Variants in CORIN observed in about 807,000 individuals in gnomAD.
CORIN encodes atrial natriuretic peptide-converting enzyme.
Under a neutral mutation model 125.3 loss-of-function variants are expected in CORIN, and 117 were observed. The ratio of observed to expected loss-of-function variants is 0.93; its 90% confidence interval spans 0.80 to 1.09. CORIN has a LOEUF of 1.09. Ranked by LOEUF, CORIN falls within the 50% of genes least tolerant of loss-of-function variation. The pLI, the probability that CORIN is intolerant of heterozygous loss-of-function variation, is 0.00. For missense variants in CORIN, 1,253 were observed against 1,306.7 expected (o/e 0.96, Z 0.63); for synonymous variants, 450 against 466.4 (o/e 0.96, Z 0.45).
chr4:47,685,005 G>T (rs568457541), intron 6 of CORIN, among the ~76,000 whole-genome samples: 1 of 152,242 alleles, frequency 6.6e-6, no homozygotes, highest in Admixed American at 6.5e-5. Context: ...GGCTACAATG[G>T]AAAAGATGGA....
chr4:47,771,725 T>C (rs2109887349), intron 3 of CORIN, among the ~76,000 whole-genome samples: 1 of 152,270 alleles, frequency 6.6e-6, no homozygotes, highest in South Asian at 2.1e-4. Context: ...TAACTAACTG[T>C]AAACCAAACC....
intron 2 of CORIN, among the ~76,000 whole-genome samples, chr4:47,805,238 TGAG>T (rs1371259041): frequency 6.6e-6 from 1 of 151,906 alleles, no homozygotes; most frequent in African/African-American, 2.4e-5. Context: ...TATAAATGCT[TGAG>T]GGGATGGAAA....
At chr4:47,833,076 G>A (rs1050117043) in intron 1 of CORIN, among the ~76,000 whole-genome samples, 5 of 151,396 alleles carry the variant, frequency 3.3e-5, no homozygotes, top group South Asian at 2.1e-4. Context: ...GGATCCTCAA[G>A]TAAAAACAGA....
chr4:47,687,198 GT>G (rs1281248698), intron 6 of CORIN, among the ~76,000 whole-genome samples: 2 of 152,202 alleles, frequency 1.3e-5, no homozygotes, highest in African/African-American at 4.8e-5. Context: ...TAAGGTCTGT[GT>G]GATTAGTAAA....
At chr4:47,833,366 A>C (rs1328159217) in intron 1 of CORIN, among the ~76,000 whole-genome samples, 1 of 152,158 alleles carries the variant, frequency 6.6e-6, no homozygotes, top group African/African-American at 2.4e-5. Flanking sequence ...TAACATTGGA[A>C]CTTTATCTCA....
intron 11 of CORIN, among the ~76,000 whole-genome samples, chr4:47,664,338 G>A (rs193257192): frequency 8.3e-4 from 127 of 152,286 alleles, no homozygotes; most frequent in Admixed American, 2.3e-3. Context: ...ACATTCATTT[G>A]ATCTCAAAAC....
intron 10 of CORIN, among the ~76,000 whole-genome samples, chr4:47,673,121 T>C (rs1217146256): frequency 1.3e-5 from 2 of 151,966 alleles, no homozygotes; most frequent in Non-Finnish European, 2.9e-5. Context: ...AGTGGATTAC[T>C]TGAGGTCAGG....
At chr4:47,599,623 A>G (rs1031716881) in intron 21 of CORIN, among the ~76,000 whole-genome samples, 3 of 152,204 alleles carry the variant, frequency 2.0e-5, no homozygotes, top group African/African-American at 7.2e-5. Flanking sequence ...TTATGTTAAT[A>G]TGTTCTGCAA....
intron 1 of CORIN, among the ~76,000 whole-genome samples, chr4:47,822,108 T>C (rs1312400090): frequency 2.0e-5 from 3 of 152,348 alleles, no homozygotes; most frequent in East Asian, 1.9e-4. Flanking sequence ...TGTCTTAGGG[T>C]AGATTTTTTA....
At chr4:47,768,348 T>A (rs555847564) in intron 3 of CORIN, among the ~76,000 whole-genome samples, 1 of 152,180 alleles carries the variant, frequency 6.6e-6, no homozygotes, top group Non-Finnish European at 1.5e-5. Flanking sequence ...AAGTCTTCCA[T>A]CACAGAAAAG....
intron 2 of CORIN, among the ~76,000 whole-genome samples, chr4:47,804,565 TG>T (rs1351880412): frequency 1.3e-5 from 2 of 152,054 alleles, no homozygotes; most frequent in Non-Finnish European, 2.9e-5. Flanking sequence ...ACAAAATGAA[TG>T]GAACTGGAGG....
chr4:47,623,096 C>CTCTCTCTCTCTCTATATATATA (rs771867590), intron 19 of CORIN, among the ~76,000 whole-genome samples: 7 of 102,304 alleles, frequency 6.8e-5, no homozygotes, highest in African/African-American at 2.6e-4. Flanking sequence ...CTCTCTCTCT[C>CTCTCTCTCTCTCTATATATATA]TATATATATA....
chr4:47,717,547 C>T (rs898142392), intron 5 of CORIN, among the ~76,000 whole-genome samples: 1 of 152,164 alleles, frequency 6.6e-6, no homozygotes, highest in African/African-American at 2.4e-5. Flanking sequence ...GTGACTTCGC[C>T]CCTGAAATGG....
chr4:47,759,309 A>T lies in CORIN; in HGVS notation c.617+4070T>A, dbSNP rs1242186993. Among the ~76,000 whole-genome samples the T allele has an allele frequency of 3.9e-5, 6 of 152,330 alleles. No homozygotes were observed. The East Asian group carries it at 1.2e-3, about 29-fold the overall frequency. On this transcript the variant is annotated intron_variant, in intron 4 of 21. Transcript: ENST00000273857. ...ATAGGGGGAACCTATAGCCTGGTTAATGATTTTTGGGAAATGATCCCAAAA... is the reference window on the plus strand; with the variant it reads ...ATAGGGGGAACCTATAGCCTGGTTATTGATTTTTGGGAAATGATCCCAAAA...
rs117261313 is a variant in CORIN, at chr4:47,820,680, G to A, written c.64-13633C>T. On this transcript the variant is annotated intron_variant, in intron 1 of 21. Coordinates refer to ENST00000273857, the MANE Select transcript of CORIN (RefSeq NM_006587.4). ...GCACTTCCGAAACTGCCCCCTGCCC[G>A]AAAAATGAGCTCACAATAAAAAATG... Among the ~76,000 whole-genome samples the A allele has an allele frequency of 8.0e-4, 122 of 152,006 alleles. 1 individual carries two copies. The East Asian group carries it at 0.017, about 21-fold the overall frequency.
At chr4:47,658,106 G>C (rs1014374330) in intron 12 of CORIN, among the ~76,000 whole-genome samples, 1 of 152,076 alleles carries the variant, frequency 6.6e-6, no homozygotes, top group Non-Finnish European at 1.5e-5. Context: ...ATCAAAAGAA[G>C]GTATTTACTT....
intron 16 of CORIN, among the ~76,000 whole-genome samples, chr4:47,633,080 C>T (rs1354794564): frequency 6.6e-6 from 1 of 152,032 alleles, no homozygotes; most frequent in Non-Finnish European, 1.5e-5. Context: ...CTGCGCCCAG[C>T]CTATAATTTT....
intron 5 of CORIN, among the ~76,000 whole-genome samples, chr4:47,716,897 TA>T (rs1230004311): frequency 1.3e-5 from 2 of 151,768 alleles, no homozygotes; most frequent in African/African-American, 2.4e-5. Flanking sequence ...ACATGTTAAC[TA>T]AAAAAAATAC....
At chr4:47,666,654 TG>T (rs1182721810) in intron 10 of CORIN, among the ~76,000 whole-genome samples, 1 of 152,124 alleles carries the variant, frequency 6.6e-6, no homozygotes, top group Admixed American at 6.5e-5. Flanking sequence ...GGCATTTATA[TG>T]GGATTAAAGT....
Sources: allele counts gnomAD v4.1 joint callset (sites outside exome capture counted in the v4.1 genomes callset), GRCh38; gene constraint gnomAD v4.1.1; transcripts MANE v1.5; gene names NCBI Gene and HGNC (gene_info 2026-07-23, HGNC 2026-07-21).